Variants in FLNB observed in about 807,000 individuals in gnomAD.
FLNB encodes the protein filamin B.
FLNB carries 111 observed loss-of-function variants against 250.6 expected under a neutral mutation model. That is an observed-to-expected ratio of 0.44 (90% CI 0.38 to 0.52). The LOEUF (loss-of-function observed/expected upper bound fraction) is 0.52, where lower values mean the gene tolerates loss of function less well. FLNB is among the 20% of genes least tolerant of loss of function. The probability of loss-of-function intolerance (pLI) is 0.00; values close to 1 mark genes in which losing one functional copy is unlikely to be tolerated. For synonymous variants in FLNB, 1,302 were observed against 1,372.1 expected, an observed-to-expected ratio of 0.95 and a Z score of 1.13; for missense variants, 2,869 against 3,447.8, an observed-to-expected ratio of 0.83 and a Z score of 4.20.
intron 16 of FLNB, 69 bp from the exon 17 acceptor site, chr3:58,111,722 G>A: frequency 8.6e-7 from 1 of 1,160,680 alleles, no homozygotes; most frequent in Non-Finnish European, 1.3e-6. Context: ...TTCACCCTTT[G>A]TTGAAGGCTC....
chr3:58,070,891 C>T (rs112845338), intron 1 of FLNB, among the ~76,000 whole-genome samples: 5,017 of 151,462 alleles, frequency 0.033, 289 homozygotes, highest in African/African-American at 0.11. Flanking sequence ...ACCTCGTGAT[C>T]TGCCCTCCTT....
intron 6 of FLNB, among the ~76,000 whole-genome samples, chr3:58,096,612 G>A (rs1191333268): frequency 6.6e-6 from 1 of 152,134 alleles, no homozygotes; most frequent in East Asian, 1.9e-4. Flanking sequence ...GGGCTCAAGC[G>A]ATCCTCTCAC....
At chr3:58,099,710 C>T (rs755517376) in intron 8 of FLNB, among the ~76,000 whole-genome samples, 38 of 152,160 alleles carry the variant, frequency 2.5e-4, no homozygotes, top group Non-Finnish European at 5.0e-4. Flanking sequence ...CTAGTTGAGA[C>T]CACTGGGCCA....
At chr3:58,064,751 G>A (rs531371908) in intron 1 of FLNB, among the ~76,000 whole-genome samples, 33 of 152,164 alleles carry the variant, frequency 2.2e-4, no homozygotes, top group Non-Finnish European at 7.4e-5. Context: ...AGTGGCTCAT[G>A]CCTGTAATCC....
rs776598113 is a variant in FLNB, at chr3:58,169,485, C to G, written c.7418-105C>G. 11 of 885,320 alleles carry G rather than the reference C, an allele frequency of 1.2e-5. No homozygotes were observed. The highest frequency in any genetic ancestry group is 2.3e-4 in the Middle Eastern group (1 of 4,444). The allele number at this position is 885,320 out of a possible 1,614,324, so 54.8% of individuals were successfully genotyped here. On this transcript the variant is annotated intron_variant, in intron 44 of 45. Transcript: ENST00000295956. This position sits in a 1 kb window ranked among gnomAD's most constrained non-coding sequence, Gnocchi z 4.8. ...GTGGTGGCTTTTGTGTTGGGGTGCG[C>G]GGGCTCTCCTGGGGTTACTGTGTAG... is the stretch of plus-strand genomic sequence containing the variant.
chr3:58,085,242 T>C (rs1317312389), intron 4 of FLNB, among the ~76,000 whole-genome samples: 1 of 150,386 alleles, frequency 6.6e-6, no homozygotes, highest in Non-Finnish European at 1.5e-5. Flanking sequence ...GCAGCTTATT[T>C]TTCAGGAGGA....
intron 1 of FLNB, among the ~76,000 whole-genome samples, chr3:58,076,296 G>A (rs1024833514): frequency 3.9e-5 from 6 of 152,028 alleles, no homozygotes; most frequent in Non-Finnish European, 5.9e-5. Context: ...CCTACCTATC[G>A]AAAAACGTGA....
intron 25 of FLNB, 55 bp from the exon 26 acceptor site, chr3:58,132,753 G>T: frequency 1.2e-6 from 2 of 1,612,982 alleles, no homozygotes; most frequent in East Asian, 2.2e-5. Context: ...CTCAGCCAAG[G>T]GTGGAGTAAA....
At chr3:58,061,169 G>A (rs530213789) in intron 1 of FLNB, among the ~76,000 whole-genome samples, 1 of 152,338 alleles carries the variant, frequency 6.6e-6, no homozygotes, top group South Asian at 2.1e-4. Flanking sequence ...CTTTCCAGAA[G>A]CAACTGCATG....
rs1239233213 is a variant in FLNB, at chr3:58,100,421, C to T, written c.1345+1513C>T. 7.3e-5 allele frequency among the ~76,000 whole-genome samples: 10 copies of T among 136,890 alleles called. No individual in the cohort carries two copies. In the Admixed American group the frequency reaches 7.5e-4, roughly 10 times the overall value. The allele number at this position is 136,890 out of a possible 152,430, so 89.8% of individuals were successfully genotyped here. A position where few individuals can be genotyped will look rare whatever the true frequency, so the allele number is the denominator to read the frequency against. On this transcript the variant is annotated intron_variant, in intron 8 of 45. Transcript: ENST00000295956. Reference sequence around the variant, plus strand: ...GCGGTGGGAAGGATACAGGGTCTCACTCTGTCTTTTGGGCTGGAGTGCAGT... The same window carrying T: ...GCGGTGGGAAGGATACAGGGTCTCATTCTGTCTTTTGGGCTGGAGTGCAGT...
rs71311841 is a variant in FLNB at position 58,154,509 on chromosome 3, C to T, written c.6635-282C>T. ...GCAGTGAGCTGAGATTGCACCACTG[C>T]ACTCCAGCCTGGGCAGCAGAGCAAG... is the stretch of plus-strand genomic sequence containing the variant. On this transcript the variant is annotated intron_variant, in intron 39 of 45. Transcript: ENST00000295956. 0.013 allele frequency: 4,974 copies of T among 374,456 alleles called. 237 individuals are homozygous for T. The highest frequency in any genetic ancestry group is 0.096 in the African/African-American group (4,505 of 47,086). The allele number at this position is 374,456 out of a possible 1,614,324, so 23.2% of individuals were successfully genotyped here.
chr3:58,168,185 G>A (rs371632493), intron 43 of FLNB, among the ~76,000 whole-genome samples: 78 of 152,346 alleles, frequency 5.1e-4, no homozygotes, highest in African/African-American at 1.3e-3. Flanking sequence ...GAGAGAACAG[G>A]GTGTCCAGGC....
intron 38 of FLNB, chr3:58,152,974 T>G: frequency 3.1e-6 from 1 of 323,298 alleles, no homozygotes; most frequent in East Asian, 7.7e-5. Context: ...TCACGCATGG[T>G]TTCCCCTCTG....
intron 35 of FLNB, 60 bp from the exon 36 acceptor site, chr3:58,148,589 T>C: frequency 2.1e-6 from 3 of 1,427,104 alleles, no homozygotes; most frequent in Non-Finnish European, 2.0e-6. Flanking sequence ...TGAGAGTGTG[T>C]CTCTCTCCTG....
intron 42 of FLNB, among the ~76,000 whole-genome samples, chr3:58,160,057 C>CA (rs1268255526): frequency 6.6e-6 from 1 of 151,872 alleles, no homozygotes; most frequent in East Asian, 1.9e-4. Context: ...AACAAAAAAA[C>CA]AAAAAAACAC....
Position 58,125,712 on chromosome 3 carries a change from A to C in FLNB, c.4030A>C (p.Asn1344His). ...QGPGLKEAFTNKPNVFTVVTR... is the reference protein window; with the variant it reads ...QGPGLKEAFTHKPNVFTVVTR... The stretch of plus-strand genomic sequence containing the variant: ...ACCTGGATTGAAAGAGGCCTTTACC[A>C]ACAAGCCCAATGTCTTCACCGTGGT... Residue 1344 changes from asparagine to histidine, a missense_variant, in exon 23 of 46, where the codon AAC becomes CAC. By Grantham distance (68) the Asn-to-His change is moderately conservative (BLOSUM62 1). Transcript: ENST00000295956. 6.2e-7 allele frequency: 1 copy of C among 1,614,166 alleles called. No individual in the cohort carries two copies. Among genetic ancestry groups the C allele is most frequent in the African/African-American group, 1.3e-5 (1 of 75,042 alleles).
chr3:58,142,076 T>C lies in FLNB; in HGVS notation c.5181+147T>C. On this transcript the variant is annotated intron_variant, in intron 30 of 45. Coordinates refer to ENST00000295956, the MANE Select transcript of FLNB (RefSeq NM_001457.4). The surrounding 1 kb of genome is among the most constrained non-coding windows in gnomAD (Gnocchi z 4.3). ...CTCACTGATCAGCCCATCACGATGA[T>C]CCCTGCTTTTTCTGTAATAAGATCA... 1.4e-6 allele frequency: 1 copy of C among 737,680 alleles called. No individual in the cohort carries two copies. Among genetic ancestry groups the C allele is most frequent in the Admixed American group, 2.0e-5 (1 of 49,782 alleles). 45.7% of individuals were successfully genotyped at this position (737,680 alleles called of 1,614,324 possible).
chr3:58,029,422 T>G (rs773355279), intron 1 of FLNB, among the ~76,000 whole-genome samples: 1 of 152,140 alleles, frequency 6.6e-6, no homozygotes, highest in Non-Finnish European at 1.5e-5. Context: ...CAGTCTGATT[T>G]TTCTGTTCTG....
intron 1 of FLNB, among the ~76,000 whole-genome samples, chr3:58,009,395 C>A (rs1163267690): frequency 6.6e-6 from 1 of 152,160 alleles, no homozygotes; most frequent in African/African-American, 2.4e-5. Flanking sequence ...CTTCCCCTGC[C>A]GTCGCTGGAA....
Sources: allele counts gnomAD v4.1 joint callset (sites outside exome capture counted in the v4.1 genomes callset), GRCh38; gene constraint gnomAD v4.1.1; non-coding constraint Gnocchi (gnomAD v3.1); transcripts MANE v1.5; gene names NCBI Gene and HGNC (gene_info 2026-07-23, HGNC 2026-07-21).